Variants in TERF2 observed in about 807,000 individuals in gnomAD.
TERF2 encodes the protein telomeric repeat binding factor 2, also known as telomeric repeat-binding factor 2.
A neutral mutation model predicts 56.1 loss-of-function variants in TERF2; 16 were observed. The observed-to-expected ratio is 0.29, with a 90% confidence interval of 0.19 to 0.43. The LOEUF (loss-of-function observed/expected upper bound fraction) is 0.43, where lower values mean the gene tolerates loss of function less well. Ranked by LOEUF, TERF2 falls within the 20% of genes least tolerant of loss-of-function variation. The pLI, the probability that TERF2 is intolerant of heterozygous loss-of-function variation, is 1.00. For synonymous variants in TERF2, 296 were observed against 282.1 expected, an observed-to-expected ratio of 1.05 and a Z score of -0.50; for missense variants, 547 against 712.9, an observed-to-expected ratio of 0.77 and a Z score of 2.65.
chr16:69,385,150 T>A (rs554477953), intron 2 of TERF2, among the ~76,000 whole-genome samples: 1 of 151,744 alleles, frequency 6.6e-6, no homozygotes, highest in Admixed American at 6.6e-5. Context: ...GGAGCAAAGT[T>A]GGGGTGAGCA....
intron 7 of TERF2, chr16:69,366,252 C>T (rs1042992921): frequency 1.3e-5 from 2 of 152,856 alleles, no homozygotes; most frequent in Non-Finnish European, 2.9e-5. Flanking sequence ...AGGGAGGATC[C>T]ACCACAGGAC....
At chr16:69,368,632 C>T (rs2013442420) in intron 5 of TERF2, 150 bp from the exon 6 acceptor site, 1 of 1,528,078 alleles carries the variant, frequency 6.5e-7, no homozygotes, top group African/African-American at 1.4e-5. Flanking sequence ...TGGGAGAGAA[C>T]TTGTAAGACT....
Position 69,385,942 on chromosome 16 carries a change from G to A in TERF2, c.30C>T (p.Pro10=), listed in dbSNP as rs1323826267. 3 of 1,363,342 alleles carry A rather than the reference G, an allele frequency of 2.2e-6. No individual in the cohort carries two copies. The highest frequency in any genetic ancestry group is 2.8e-6 in the Non-Finnish European group (3 of 1,057,594). 84.5% of individuals were successfully genotyped at this position (1,363,342 alleles called of 1,614,324 possible). The change falls in exon 1 of 10, where the codon CCC becomes CCT. Residue 10 remains proline, a synonymous_variant. Transcript: ENST00000254942. The part of the protein sequence containing the change: MAAGAGTAG[P]ASGPGVVRDP... ...CACGCACGACGCCCGGGCCGGAAGCGGGGCCCGCCGTCCCGGCTCCCGCGG... is the reference window on the plus strand; with the variant it reads ...CACGCACGACGCCCGGGCCGGAAGCAGGGCCCGCCGTCCCGGCTCCCGCGG...
chr16:69,379,644 T>G (rs2013921494), intron 3 of TERF2, among the ~76,000 whole-genome samples: 1 of 152,336 alleles, frequency 6.6e-6, no homozygotes, highest in Admixed American at 6.5e-5. Flanking sequence ...GTAGGTTATA[T>G]TTGCTGATAT....
intron 8 of TERF2, among the ~76,000 whole-genome samples, chr16:69,358,058 G>C (rs2012983494): frequency 6.6e-6 from 1 of 151,312 alleles, no homozygotes; most frequent in African/African-American, 2.4e-5. Flanking sequence ...TGTCGCCCAG[G>C]CTGGAGTGCA....
chr16:69,384,592 C>A lies in TERF2; in HGVS notation c.594G>T (p.Leu198=). ...AATAGAGCCTTACAGCTTCCTTGAC[C>A]AGTTTTCTACTGGATTCGACCACTG... ...TEAVVESSRK[L]VKEAAVIICI... Residue 198 remains leucine, a synonymous_variant, in exon 3 of 10, where the codon CTG becomes CTT. Coordinates refer to ENST00000254942, the MANE Select transcript of TERF2 (RefSeq NM_005652.5). 6.2e-7 allele frequency: 1 copy of A among 1,612,796 alleles called. No homozygotes were observed. Among genetic ancestry groups the A allele is most frequent in the Non-Finnish European group, 8.5e-7 (1 of 1,179,728 alleles).
chr16:69,385,586 C>T lies in TERF2; in HGVS notation c.379+7G>A. ...CTCCAACCCCCCTCCCCCGGCCCGG[C>T]CCTCACCCTGCATGATGTCCCGGAT... On this transcript the variant is annotated splice_region_variant and intron_variant, in intron 1 of 9. Coordinates refer to ENST00000254942, the MANE Select transcript of TERF2 (RefSeq NM_005652.5). 6.5e-7 allele frequency: 1 copy of T among 1,538,804 alleles called. No homozygotes were observed. The highest frequency in any genetic ancestry group is 8.9e-7 in the Non-Finnish European group (1 of 1,118,112).
At chr16:69,380,655 T>TAA (rs771517864) in intron 3 of TERF2, among the ~76,000 whole-genome samples, 3 of 128,828 alleles carry the variant, frequency 2.3e-5, no homozygotes, top group South Asian at 2.5e-4. Flanking sequence ...AGACTACGTC[T>TAA]AAAAAAAAAA....
At chr16:69,374,483 A>G (rs2013694412) in intron 3 of TERF2, among the ~76,000 whole-genome samples, 1 of 151,620 alleles carries the variant, frequency 6.6e-6, no homozygotes, top group Non-Finnish European at 1.5e-5. Flanking sequence ...GTAGCCAGGC[A>G]TGGTGGCGTG....
intron 7 of TERF2, among the ~76,000 whole-genome samples, chr16:69,362,677 G>C (rs1220423625): frequency 6.6e-6 from 1 of 152,162 alleles, no homozygotes; most frequent in Non-Finnish European, 1.5e-5. Context: ...ATTATTCAAT[G>C]AAAACTATAG....
chr16:69,372,768 AAAAC>A (rs1454628032), intron 3 of TERF2, among the ~76,000 whole-genome samples: 8 of 152,314 alleles, frequency 5.3e-5, no homozygotes, highest in South Asian at 2.1e-4. Flanking sequence ...CATCTCAAAA[AAAAC>A]AAACAAACAA....
chr16:69,368,609 G>A (rs1343966001), intron 5 of TERF2, 127 bp from the exon 6 acceptor site: 7 of 1,541,176 alleles, frequency 4.5e-6, no homozygotes, highest in East Asian at 2.4e-5. Flanking sequence ...GGCATAAAAC[G>A]AAGGACATAA....
intron 6 of TERF2, among the ~76,000 whole-genome samples, chr16:69,367,834 G>A (rs1376554200): frequency 6.6e-6 from 1 of 152,124 alleles, no homozygotes; most frequent in African/African-American, 2.4e-5. Flanking sequence ...GGAAAACCCT[G>A]GACATCTCAT....
chr16:69,362,178 C>G (rs2013169935), intron 7 of TERF2, among the ~76,000 whole-genome samples: 1 of 152,022 alleles, frequency 6.6e-6, no homozygotes, highest in East Asian at 1.9e-4. Flanking sequence ...CCACACTGTT[C>G]TGCTCTTTCT....
At position 69,356,610 on chromosome 16, in the gene TERF2, C is replaced by T. The variant is rs1244536920; in HGVS notation, c.*288G>A. The stretch of plus-strand genomic sequence containing the variant: ...GGTCAGGAGATCGAGACCATCCTGG[C>T]TAACACGGTGAAACCCCGTCTCTAC... On this transcript the variant is annotated 3_prime_UTR_variant, in exon 10 of 10. Transcript: ENST00000254942. 3.6e-6 allele frequency: 1 copy of T among 277,862 alleles called. No homozygotes were observed. The highest frequency in any genetic ancestry group is 2.2e-5 in the African/African-American group (1 of 44,944). 17.2% of individuals were successfully genotyped at this position (277,862 alleles called of 1,614,324 possible).
chr16:69,376,198 T>C (rs924702390), intron 3 of TERF2, among the ~76,000 whole-genome samples: 4 of 152,226 alleles, frequency 2.6e-5, no homozygotes, highest in Non-Finnish European at 5.9e-5. Context: ...ATTTTACATT[T>C]AGATTATAAT....
At chr16:69,362,773 T>C (rs895141921) in intron 7 of TERF2, among the ~76,000 whole-genome samples, 8 of 152,216 alleles carry the variant, frequency 5.3e-5, no homozygotes, top group Non-Finnish European at 1.0e-4. Flanking sequence ...CTCAGAATTA[T>C]AACATCTTTT....
chr16:69,385,909 C>T lies in TERF2; in HGVS notation c.63G>A (p.Ala21=), dbSNP rs1247708748. ...CGGGCCGCTTCCTCGGCTGTGACGCCGCTGGGTCACGCACGACGCCCGGGC... is the reference window on the plus strand; with the variant it reads ...CGGGCCGCTTCCTCGGCTGTGACGCTGCTGGGTCACGCACGACGCCCGGGC... ...ASGPGVVRDP[A]ASQPRKRPGR... The change falls in exon 1 of 10, where the codon GCG becomes GCA. Residue 21 remains alanine (A), a synonymous_variant. Transcript: ENST00000254942. The T allele has an allele frequency of 2.2e-6, 3 of 1,392,394 alleles. No individual in the cohort carries two copies. In the African/African-American group the frequency reaches 4.5e-5, roughly 21 times the overall value. 86.3% of individuals were successfully genotyped at this position (1,392,394 alleles called of 1,614,324 possible). A position where few individuals can be genotyped will look rare whatever the true frequency, so the allele number is the denominator to read the frequency against.
At chr16:69,368,259 T>C in intron 6 of TERF2, 117 bp downstream of exon 6, 1 of 919,420 alleles carries the variant, frequency 1.1e-6, no homozygotes, top group South Asian at 1.6e-5. Context: ...ATGAGTAACC[T>C]CGTAACACGT....
Sources: allele counts gnomAD v4.1 joint callset (sites outside exome capture counted in the v4.1 genomes callset), GRCh38; gene constraint gnomAD v4.1.1; transcripts MANE v1.5; gene names NCBI Gene and HGNC (gene_info 2026-07-23, HGNC 2026-07-21).